WDR7: variants seen among roughly 807,000 people sequenced by gnomAD.
WDR7 encodes WD repeat-containing protein 7.
Under a neutral mutation model 169.4 loss-of-function variants are expected in WDR7, and 46 were observed. The ratio of observed to expected loss-of-function variants is 0.27; its 90% confidence interval spans 0.21 to 0.35. The LOEUF is 0.35. WDR7 is among the 10% of genes least tolerant of loss of function. The pLI, the probability that WDR7 is intolerant of heterozygous loss-of-function variation, is 1.00. For synonymous variants in WDR7, 612 were observed against 666.8 expected, an observed-to-expected ratio of 0.92 and a Z score of 1.27; for missense variants, 1,534 against 1,859.3, an observed-to-expected ratio of 0.83 and a Z score of 3.22.
intron 20 of WDR7, among the ~76,000 whole-genome samples, chr18:56,836,453 G>A (rs1035745047): frequency 3.9e-5 from 6 of 152,178 alleles, no homozygotes; most frequent in Non-Finnish European, 7.3e-5. Context: ...TCCTTCACCA[G>A]CCAGTCACAC....
intron 26 of WDR7, among the ~76,000 whole-genome samples, chr18:57,010,566 A>G (rs1169609457): frequency 6.6e-6 from 1 of 152,202 alleles, no homozygotes; most frequent in Non-Finnish European, 1.5e-5. Context: ...GGTGGTGATC[A>G]TATAATATAT....
At chr18:56,682,655 T>C in intron 4 of WDR7, 24 bp from the exon 5 acceptor site, 2 of 1,602,298 alleles carry the variant, frequency 1.2e-6, no homozygotes, top group South Asian at 1.1e-5. Context: ...TCAGAAATCT[T>C]TTTTCCTTTT....
chr18:56,703,844 T>A lies in WDR7; in HGVS notation c.1578+7382T>A, dbSNP rs74907762. ...CTGTTATCAACGGTGGGAATGATAA[T>A]TAGTACAGCTAAATATTTTTGTAGC... On this transcript the variant is annotated intron_variant, in intron 12 of 27. Transcript: ENST00000254442. Among the ~76,000 whole-genome samples, 413 of 152,134 alleles carry A rather than the reference T, an allele frequency of 2.7e-3. 4 individuals are homozygous for A. The East Asian group carries it at 0.037, about 13-fold the overall frequency.
At chr18:56,774,516 TAGC>T (rs1206224638) in intron 16 of WDR7, among the ~76,000 whole-genome samples, 2 of 152,146 alleles carry the variant, frequency 1.3e-5, no homozygotes, top group Non-Finnish European at 2.9e-5. Flanking sequence ...ATAGGTGACA[TAGC>T]AGCTTTTCTG....
chr18:56,825,037 A>G (rs1289996826), intron 20 of WDR7, among the ~76,000 whole-genome samples: 1 of 152,176 alleles, frequency 6.6e-6, no homozygotes, highest in Non-Finnish European at 1.5e-5. Context: ...GTGGAGATGT[A>G]CTTGTGGATG....
chr18:56,884,782 A>G (rs946031603), intron 21 of WDR7, among the ~76,000 whole-genome samples: 2 of 152,162 alleles, frequency 1.3e-5, no homozygotes, highest in African/African-American at 4.8e-5. Flanking sequence ...TCCTCCCTAT[A>G]CTACCACAGC....
chr18:56,820,359 A>AAC (rs1555695955), intron 20 of WDR7, among the ~76,000 whole-genome samples: 1 of 127,464 alleles, frequency 7.8e-6, no homozygotes, highest in Non-Finnish European at 1.6e-5. Flanking sequence ...AAAAAAAAAA[A>AAC]AAAAACCACC....
chr18:57,025,533 C>CT (rs1286261972), intron 27 of WDR7, among the ~76,000 whole-genome samples: 2 of 152,200 alleles, frequency 1.3e-5, no homozygotes, highest in Non-Finnish European at 1.5e-5. Flanking sequence ...AGGAACCGAA[C>CT]TTTAACAGAA....
At chr18:56,893,669 G>A (rs530295703) in intron 21 of WDR7, among the ~76,000 whole-genome samples, 17 of 152,166 alleles carry the variant, frequency 1.1e-4, no homozygotes, top group Middle Eastern at 6.8e-3. Flanking sequence ...TAGAGGACTC[G>A]AATGTTTGTG....
At position 56,867,375 on chromosome 18, in the gene WDR7, A is replaced by G. The variant is rs139097529; in HGVS notation, c.3305-12569A>G. ...AAAATCTCAGAGCAGTTTAAGTACAATAATAGCCATCTTGAGGATGTATGT... is the reference window on the plus strand; with the variant it reads ...AAAATCTCAGAGCAGTTTAAGTACAGTAATAGCCATCTTGAGGATGTATGT... On this transcript the variant is annotated intron_variant, in intron 20 of 27. Coordinates refer to ENST00000254442, the MANE Select transcript of WDR7 (RefSeq NM_015285.3). Among the ~76,000 whole-genome samples the G allele has an allele frequency of 1.4e-3, 208 of 152,210 alleles. No homozygotes were observed. The Middle Eastern group carries it at 0.017, about 12-fold the overall frequency.
At chr18:57,016,525 CA>C (rs2048209986) in intron 26 of WDR7, among the ~76,000 whole-genome samples, 1 of 152,142 alleles carries the variant, frequency 6.6e-6, no homozygotes, top group African/African-American at 2.4e-5. Context: ...TTTCAAGTCC[CA>C]AACTTGTCAT....
At chr18:56,791,108 T>G (rs540434040) in intron 19 of WDR7, among the ~76,000 whole-genome samples, 113 of 152,332 alleles carry the variant, frequency 7.4e-4, no homozygotes, top group Admixed American at 1.6e-3. Flanking sequence ...AAAATTGTTT[T>G]GACAGTCAAT....
intron 25 of WDR7, among the ~76,000 whole-genome samples, chr18:56,956,776 G>A (rs1442842509): frequency 6.6e-6 from 1 of 152,098 alleles, no homozygotes; most frequent in Non-Finnish European, 1.5e-5. Flanking sequence ...CAGTTGATTC[G>A]ATTTTAAATA....
chr18:56,691,900 T>A, intron 9 of WDR7, 83 bp downstream of exon 9: 1 of 1,088,912 alleles, frequency 9.2e-7, no homozygotes, highest in Non-Finnish European at 1.3e-6. Context: ...GTGATAGGTT[T>A]AAAAAATTTG....
intron 1 of WDR7, among the ~76,000 whole-genome samples, chr18:56,658,187 T>A (rs1286209724): frequency 6.6e-6 from 1 of 152,198 alleles, no homozygotes; most frequent in Non-Finnish European, 1.5e-5. Context: ...CACTGCAACC[T>A]CTGCCTCCCC....
At chr18:56,832,865 C>G (rs2045337437) in intron 20 of WDR7, among the ~76,000 whole-genome samples, 1 of 152,084 alleles carries the variant, frequency 6.6e-6, no homozygotes, top group Admixed American at 6.5e-5. Context: ...GTAGATAAAT[C>G]CATGAAGATG....
At chr18:56,932,495 G>A (rs2046899481) in intron 22 of WDR7, among the ~76,000 whole-genome samples, 1 of 152,230 alleles carries the variant, frequency 6.6e-6, no homozygotes, top group Admixed American at 6.5e-5. Flanking sequence ...CATGGGGGAA[G>A]GATGACGTGT....
chr18:56,734,236 A>T (rs2026647838), intron 14 of WDR7, among the ~76,000 whole-genome samples: 1 of 152,106 alleles, frequency 6.6e-6, no homozygotes, highest in Non-Finnish European at 1.5e-5. Flanking sequence ...GTTCTAACCC[A>T]TCCTGGACTT....
intron 21 of WDR7, among the ~76,000 whole-genome samples, chr18:56,898,517 T>C (rs984251152): frequency 4.6e-5 from 7 of 152,076 alleles, no homozygotes; most frequent in Non-Finnish European, 8.8e-5. Flanking sequence ...AGGGTAGCGT[T>C]GTCAGTAATA....
Sources: allele counts gnomAD v4.1 joint callset (sites outside exome capture counted in the v4.1 genomes callset), GRCh38; gene constraint gnomAD v4.1.1; transcripts MANE v1.5; gene names NCBI Gene and HGNC (gene_info 2026-07-23, HGNC 2026-07-21).